CTC1: variants seen among roughly 807,000 people sequenced by gnomAD.
CTC1 encodes the protein CST complex subunit CTC1.
A neutral mutation model predicts 136.3 loss-of-function variants in CTC1; 91 were observed. The ratio of observed to expected loss-of-function variants is 0.67; its 90% CI spans 0.56 to 0.79. CTC1 has a LOEUF of 0.79. Ranked by LOEUF, CTC1 falls within the 30% of genes least tolerant of loss-of-function variation. The pLI, the probability that CTC1 is intolerant of heterozygous loss-of-function variation, is 0.00. For synonymous variants in CTC1, 606 were observed against 613.8 expected, an observed-to-expected ratio of 0.99 and a Z score of 0.19; for missense variants, 1,432 against 1,498.1, an observed-to-expected ratio of 0.96 and a Z score of 0.73.
chr17:8,238,661 A>G (rs1263541339), intron 2 of CTC1, 32 bp from the exon 3 acceptor site: 1 of 1,509,632 alleles, frequency 6.6e-7, no homozygotes, highest in African/African-American at 1.4e-5. Context: ...GGTCCTGCAA[A>G]GCCAGGTCCA....
At chr17:8,234,686 T>C (rs757763213) in intron 9 of CTC1, 31 bp from the exon 10 acceptor site, 19 of 1,590,100 alleles carry the variant, frequency 1.2e-5, no homozygotes, top group East Asian at 4.5e-5. Context: ...ATCGGGTGTG[T>C]GTCCCATGGG....
Position 8,238,006 on chromosome 17 carries a change from T to C in CTC1, c.647+25A>G, listed in dbSNP as rs11655903. On this transcript the variant is annotated intron_variant, in intron 4 of 22. Coordinates refer to ENST00000651323, the MANE Select transcript of CTC1 (RefSeq NM_025099.6). The stretch of plus-strand genomic sequence containing the variant: ...TCATCCTTCAGTTTTACAGCGCCCC[T>C]GCCATGCCTAGAGGGGGAAATTACC... 472,408 of 1,590,636 alleles carry C rather than the reference T, an allele frequency of 0.3. 72,497 individuals are homozygous for C. The highest frequency in any genetic ancestry group is 0.49 in the Admixed American group (29,107 of 59,422).
At position 8,230,383 on chromosome 17, in the gene CTC1, T is replaced by C. The variant is rs1987109750; in HGVS notation, c.2844A>G (p.Val948=). ...GAGGCAAGTGTGGGTCTTCTATATA[T>C]ACATCCAGGTGAGGGGGGAATTCAC... ...AECEFPPHLD[V]YIEDPHLPPS... Residue 948 remains valine, a synonymous_variant, in exon 17 of 23, where the codon GTA becomes GTG. Transcript: ENST00000651323. 6.2e-7 allele frequency: 1 copy of C among 1,613,978 alleles called. No individual in the cohort carries two copies. The highest frequency in any genetic ancestry group is 1.3e-5 in the African/African-American group (1 of 74,906).
chr17:8,231,391 G>T lies in CTC1; in HGVS notation c.2554C>A (p.Leu852Ile). ...AGAGTCCAGTTGTCCTGGACAGTGA[G>T]GCAGGATGCACAGCCAGCCAACTCC... ...PLELAGCASC[L>I]TVQDNWTLEL... is the part of the protein sequence containing the mutation. The change falls in exon 15 of 23, where the codon CTC (leucine) becomes ATC (isoleucine). Residue 852 changes from leucine to isoleucine, a missense_variant. Physicochemically the swap from Leu to Ile is conservative, Grantham distance 5. Transcript: ENST00000651323. 6.2e-7 allele frequency: 1 copy of T among 1,613,736 alleles called. No homozygotes were observed. The highest frequency in any genetic ancestry group is 8.5e-7 in the Non-Finnish European group (1 of 1,179,660).
rs1987080121 is a variant in CTC1, at chr17:8,230,068, C to CT, written c.2934-101dup. The CT allele has an allele frequency of 3.4e-6, 4 of 1,173,504 alleles. No individual in the cohort carries two copies. The East Asian group carries it at 9.5e-5, about 28-fold the overall frequency. 72.7% of individuals were successfully genotyped at this position (1,173,504 alleles called of 1,614,324 possible). A position where few individuals can be genotyped will look rare whatever the true frequency, so the allele number is the denominator to read the frequency against. ...AAGCACCACAGAGTGGCCACTCCCCCTGAGGGACATATCCTAGCCATGGCT... is the reference window on the plus strand; with the variant it reads ...AAGCACCACAGAGTGGCCACTCCCCCTTGAGGGACATATCCTAGCCATGGCT... On this transcript the variant is annotated intron_variant, in intron 17 of 22. Transcript: ENST00000651323.
At chr17:8,232,601 G>GC in intron 11 of CTC1, 126 bp from the exon 12 acceptor site, 1 of 753,246 alleles carries the variant, frequency 1.3e-6, no homozygotes, top group Non-Finnish European at 2.2e-6. Flanking sequence ...TGACATGAAA[G>GC]CCCACACCTG....
rs1398500084 is a variant in CTC1 at position 8,226,633 on chromosome 17, GC to G, written c.*1546del. On this transcript the variant is annotated 3_prime_UTR_variant, in exon 23 of 23. Coordinates refer to ENST00000651323, the MANE Select transcript of CTC1 (RefSeq NM_025099.6). ...GACGTAGTCGGCAGGATTCGAACCTGCGCGGGGAGACCCCAATGGATTTCTA... is the reference window on the plus strand; with the variant it reads ...GACGTAGTCGGCAGGATTCGAACCTGGCGGGGAGACCCCAATGGATTTCTA... The G allele has an allele frequency of 3.9e-5, 6 of 152,216 alleles. No individual in the cohort carries two copies. The highest frequency in any genetic ancestry group is 3.9e-4 in the Admixed American group (6 of 15,288). 9.4% of individuals were successfully genotyped at this position (152,216 alleles called of 1,614,324 possible). A position where few individuals can be genotyped will look rare whatever the true frequency, so the allele number is the denominator to read the frequency against.
Position 8,229,373 on chromosome 17 carries a change from A to C in CTC1, c.3085T>G (p.Cys1029Gly). The change falls in exon 19 of 23, where the codon TGC (cysteine) becomes GGC (glycine). Residue 1029 changes from cysteine (C) to glycine (G), a missense_variant. Transcript: ENST00000651323. ...AGGCTGAAGACAGAGACGATATGGC[A>C]AGAGGCAGTGGCCTGGAATGGGGAC... is the stretch of plus-strand genomic sequence containing the variant. Reference protein sequence around the residue: ...GQSPFQATASCHIVSVFSLQL... With the variant: ...GQSPFQATASGHIVSVFSLQL... The C allele has an allele frequency of 6.2e-7, 1 of 1,614,202 alleles. No individual in the cohort carries two copies. The highest frequency in any genetic ancestry group is 8.5e-7 in the Non-Finnish European group (1 of 1,180,028).
At position 8,226,640 on chromosome 17, in the gene CTC1, G is replaced by C. The variant is rs755418655; in HGVS notation, c.*1540C>G. The C allele has an allele frequency of 6.6e-6, 1 of 151,644 alleles. No individual in the cohort carries two copies. Among genetic ancestry groups the C allele is most frequent in the African/African-American group, 2.4e-5 (1 of 40,918 alleles). The allele number at this position is 151,644 out of a possible 1,614,324, so 9.4% of individuals were successfully genotyped here. On this transcript the variant is annotated 3_prime_UTR_variant, in exon 23 of 23. Transcript: ENST00000651323. ...TCGGCAGGATTCGAACCTGCGCGGGGAGACCCCAATGGATTTCTAGTCCAT... is the reference window on the plus strand; with the variant it reads ...TCGGCAGGATTCGAACCTGCGCGGGCAGACCCCAATGGATTTCTAGTCCAT...
At position 8,238,103 on chromosome 17, in the gene CTC1, G is replaced by C; in HGVS notation, c.575C>G (p.Thr192Ser). 1.2e-6 allele frequency: 2 copies of C among 1,614,184 alleles called. No individual in the cohort carries two copies. The highest frequency in any genetic ancestry group is 2.2e-5 in the East Asian group (1 of 44,890). The change falls in exon 4 of 23, where the codon ACC becomes AGC. Residue 192 changes from threonine (T) to serine (S), a missense_variant. Coordinates refer to ENST00000651323, the MANE Select transcript of CTC1 (RefSeq NM_025099.6). ...WDAPVPVFPLTISPGPVTPIP... is the reference protein window; with the variant it reads ...WDAPVPVFPLSISPGPVTPIP... ...AGGCGTGACGGGGCCAGGACTGATG[G>C]TCAAAGGAAACACTGGCACAGGGGC...
chr17:8,231,539 T>G, intron 14 of CTC1, 70 bp from the exon 15 acceptor site: 1 of 1,451,020 alleles, frequency 6.9e-7, no homozygotes, highest in Non-Finnish European at 9.4e-7. Flanking sequence ...CAAAACATTC[T>G]GACCCAATTT....
intron 18 of CTC1, 146 bp from the exon 19 acceptor site, chr17:8,229,592 T>G: frequency 1.4e-6 from 1 of 699,266 alleles, no homozygotes; most frequent in Non-Finnish European, 2.4e-6. Flanking sequence ...AGCCCCATTT[T>G]AATTCCTGAT....
rs770745414 is a variant in CTC1 at position 8,228,495 on chromosome 17, A to C, written c.3514+8T>G. On this transcript the variant is annotated splice_region_variant and intron_variant, in intron 22 of 22. Transcript: ENST00000651323. ...CTATCATCATGATCCCCCCGTCTCC[A>C]ACCTTACCTAATGGGACGATCTTCG... The C allele has an allele frequency of 2.5e-6, 4 of 1,613,950 alleles. No individual in the cohort carries two copies. In the Admixed American group the frequency reaches 5.0e-5, roughly 20 times the overall value.
In CTC1 at chr17:8,231,267, G is replaced by A; in HGVS notation, c.2669+9C>T. On this transcript the variant is annotated intron_variant, in intron 15 of 22. Coordinates refer to ENST00000651323, the MANE Select transcript of CTC1 (RefSeq NM_025099.6). The stretch of plus-strand genomic sequence containing the variant: ...CCAAATTAACCAGAGGGGCTTGGTG[G>A]ACATTTACTTGTCACTGAGCAGGTC... 6.6e-7 allele frequency: 1 copy of A among 1,512,902 alleles called. No individual in the cohort carries two copies. The highest frequency in any genetic ancestry group is 8.9e-7 in the Non-Finnish European group (1 of 1,122,734). The allele number at this position is 1,512,902 out of a possible 1,614,324, so 93.7% of individuals were successfully genotyped here. A position where few individuals can be genotyped will look rare whatever the true frequency, so the allele number is the denominator to read the frequency against.
In CTC1 at chr17:8,235,097, G is replaced by A. The variant is rs756790888; in HGVS notation, c.1395C>T (p.Pro465=). 45 of 1,614,144 alleles carry A rather than the reference G, an allele frequency of 2.8e-5. No homozygotes were observed. The highest frequency in any genetic ancestry group is 1.6e-4 in the Middle Eastern group (1 of 6,062). The change falls in exon 8 of 23, where the codon CCC becomes CCT. Residue 465 remains proline, a synonymous_variant. Transcript: ENST00000651323. ...GGGCCTTGGTAGCCCACAGGTAGAGGGGAAGTCCTAACTGACGTTCCCACA... is the reference window on the plus strand; with the variant it reads ...GGGCCTTGGTAGCCCACAGGTAGAGAGGAAGTCCTAACTGACGTTCCCACA... ...QLVWERQLGL[P]LYLWATKALE... is the part of the protein sequence containing the mutation.
chr17:8,229,462 G>A lies in CTC1; in HGVS notation c.3012-16C>T. 1 of 1,609,196 alleles carries A rather than the reference G, an allele frequency of 6.2e-7. No individual in the cohort carries two copies. The highest frequency in any genetic ancestry group is 8.5e-7 in the Non-Finnish European group (1 of 1,176,050). Reference sequence around the variant, plus strand: ...CAGGGGAATGCTAAATAAATACAGGGAGACAGAGACAGGGGTCAAGATAAC... The same window carrying A: ...CAGGGGAATGCTAAATAAATACAGGAAGACAGAGACAGGGGTCAAGATAAC... On this transcript the variant is annotated splice_polypyrimidine_tract_variant and intron_variant, in intron 18 of 22. Coordinates refer to ENST00000651323, the MANE Select transcript of CTC1 (RefSeq NM_025099.6).
chr17:8,243,600 C>T (rs1041543854), intron 1 of CTC1, among the ~76,000 whole-genome samples: 2 of 151,964 alleles, frequency 1.3e-5, no homozygotes, highest in African/African-American at 2.4e-5. Context: ...CTTGAAGAAA[C>T]CTTAAAAGTC....
rs1987914806 is a variant in CTC1 at position 8,238,223 on chromosome 17, G to C, written c.455C>G (p.Ser152Cys). ...GAACAGAAAAAGATGGCCCAACCAA[G>C]AAAGGTCCAGGTCTATGAGCTAAGA... ...LSCELIDLDL[S>C]WLGHLFLFPR... The change falls in exon 4 of 23, where the codon TCT becomes TGT. Residue 152 changes from serine (S) to cysteine (C), a missense_variant. By Grantham distance (112) the Ser-to-Cys change is moderately radical. Transcript: ENST00000651323. 3 of 1,609,610 alleles carry C rather than the reference G, an allele frequency of 1.9e-6. No homozygotes were observed. Among genetic ancestry groups the C allele is most frequent in the Non-Finnish European group, 2.5e-6 (3 of 1,176,646 alleles).
At chr17:8,242,187 G>A (rs1040934141) in intron 2 of CTC1, among the ~76,000 whole-genome samples, 1 of 151,678 alleles carries the variant, frequency 6.6e-6, no homozygotes, top group Non-Finnish European at 1.5e-5. Context: ...CCACCACCAC[G>A]CCCGGCTAAT....
Sources: gnomAD v4.1 joint callset for allele counts (sites outside exome capture counted in the v4.1 genomes callset) on GRCh38, gnomAD v4.1.1 for gene constraint, MANE v1.5 for transcripts, NCBI Gene and HGNC (gene_info 2026-07-23, HGNC 2026-07-21) for gene names.